CYLC1: variants seen among roughly 807,000 people sequenced by gnomAD.
The protein encoded by CYLC1 is cylicin-1.
In CYLC1, 2 loss-of-function variants were observed where a neutral mutation model predicts 31.6. The observed-to-expected ratio is 0.06, with a 90% confidence interval of 0.03 to 0.20. The LOEUF (loss-of-function observed/expected upper bound fraction) is 0.20. Among genes scored for constraint, CYLC1 ranks in the 10% least tolerant of loss-of-function variants. The pLI is 1.00. For missense variants in CYLC1, 595 were observed against 424.1 expected, an observed-to-expected ratio of 1.40 and a Z score of -3.54; for synonymous variants, 185 against 153.0, an observed-to-expected ratio of 1.21 and a Z score of -1.54.
rs752878939 is a variant in CYLC1 at position 83,874,271 on chromosome X, T to C, written c.1563T>C (p.Asp521=). The change falls in exon 4 of 5, where the codon GAT becomes GAC. Residue 521 remains aspartate, a synonymous_variant. Coordinates refer to ENST00000329312, the MANE Select transcript of CYLC1 (RefSeq NM_021118.3). ...KDARKDTEST[D]AEFDESSKTG... is the part of the protein sequence containing the mutation. The stretch of plus-strand genomic sequence containing the variant: ...CAAGAAAGGACACAGAGTCTACTGA[T>C]GCTGAATTTGATGAATCTTCCAAGA... 12 of 1,209,571 alleles carry C rather than the reference T, an allele frequency of 9.9e-6. No individual in the cohort carries two copies. Among genetic ancestry groups the C allele is most frequent in the Non-Finnish European group, 1.2e-5 (11 of 894,402 alleles).
chrX:83,872,718 T>TACACACAC (rs61531587), intron 3 of CYLC1, among the ~76,000 whole-genome samples, 168 bp from the exon 4 acceptor site: 2,687 of 92,007 alleles, frequency 0.029, 114 homozygotes, highest in African/African-American at 0.1. Flanking sequence ...GTCTCTCTCT[T>TACACACAC]ACACACACAC....
In CYLC1 at chrX:83,871,445, C is replaced by T. The variant is rs758534227; in HGVS notation, c.59-7C>T. On this transcript the variant is annotated splice_polypyrimidine_tract_variant and splice_region_variant and intron_variant, in intron 2 of 4. Coordinates refer to ENST00000329312, the MANE Select transcript of CYLC1 (RefSeq NM_021118.3). ...CTCCAAATTGTTTATTATCCTTTCT[C>T]ATTTAGTCAGTGAATCAAGCAGAAA... 8.5e-7 allele frequency: 1 copy of T among 1,177,566 alleles called. No individual in the cohort carries two copies. The highest frequency in any genetic ancestry group is 3.0e-5 in the East Asian group (1 of 33,314).
At chrX:83,883,431 C>T (rs982098227) in intron 4 of CYLC1, among the ~76,000 whole-genome samples, 10 of 111,331 alleles carry the variant, frequency 9.0e-5, no homozygotes, top group Admixed American at 9.6e-5. Flanking sequence ...GCAAATATTC[C>T]GTGTCAGGCA....
At chrX:83,862,490 C>T (rs2031527646) in intron 1 of CYLC1, among the ~76,000 whole-genome samples, 1 of 110,827 alleles carries the variant, frequency 9.0e-6, no homozygotes, top group South Asian at 3.8e-4. Context: ...TTGCAGTGAG[C>T]AGAGATCGCG....
At chrX:83,872,203 AG>A (rs1188763247) in intron 3 of CYLC1, among the ~76,000 whole-genome samples, 1 of 111,315 alleles carries the variant, frequency 9.0e-6, no homozygotes, top group Non-Finnish European at 1.9e-5. Flanking sequence ...AGGGAAAATA[AG>A]AAGTAATTTT....
At chrX:83,862,727 T>C (rs769656198) in intron 1 of CYLC1, among the ~76,000 whole-genome samples, 7 of 111,608 alleles carry the variant, frequency 6.3e-5, no homozygotes, top group African/African-American at 2.3e-4. Context: ...CATTAGGCAT[T>C]ATCTCTTTGA....
chrX:83,882,198 ACTT>A (rs951497201), intron 4 of CYLC1, among the ~76,000 whole-genome samples: 4 of 110,942 alleles, frequency 3.6e-5, no homozygotes, highest in African/African-American at 1.3e-4. Flanking sequence ...TTATATGACT[ACTT>A]CTCAATTTTA....
intron 2 of CYLC1, among the ~76,000 whole-genome samples, chrX:83,870,960 G>C (rs769282504): frequency 3.4e-4 from 38 of 110,512 alleles, no homozygotes; most frequent in Non-Finnish European, 7.0e-4. Context: ...AGGTCAGAGA[G>C]GTGCTAAAAG....
At chrX:83,879,858 A>G (rs745575605) in intron 4 of CYLC1, among the ~76,000 whole-genome samples, 1 of 111,862 alleles carries the variant, frequency 8.9e-6, no homozygotes, top group East Asian at 2.8e-4. Flanking sequence ...ATAAAGAAAT[A>G]ATACATCTTT....
At chrX:83,871,129 G>A (rs1183073083) in intron 2 of CYLC1, among the ~76,000 whole-genome samples, 1 of 109,807 alleles carries the variant, frequency 9.1e-6, no homozygotes, top group Non-Finnish European at 1.9e-5. Flanking sequence ...ATATTTTCAA[G>A]GAAACAGTAA....
chrX:83,875,756 T>C (rs1402855944), intron 4 of CYLC1, among the ~76,000 whole-genome samples: 1 of 111,313 alleles, frequency 9.0e-6, no homozygotes, highest in East Asian at 2.8e-4. Flanking sequence ...TCTACATGTT[T>C]CCTCCCTTTC....
At chrX:83,861,586 C>G (rs2031509556) in intron 1 of CYLC1, among the ~76,000 whole-genome samples, 2 of 111,487 alleles carry the variant, frequency 1.8e-5, no homozygotes, top group South Asian at 7.4e-4. Context: ...TATGTGTAGG[C>G]AAAATTAGAC....
intron 1 of CYLC1, among the ~76,000 whole-genome samples, chrX:83,862,342 G>T (rs1303690844): frequency 6.7e-4 from 64 of 95,518 alleles, no homozygotes; most frequent in Middle Eastern, 5.6e-3. Flanking sequence ...CCATCCTGGC[G>T]AACACGGTGA....
intron 1 of CYLC1, among the ~76,000 whole-genome samples, chrX:83,867,241 C>G: frequency 8.9e-6 from 1 of 111,802 alleles, no homozygotes; most frequent in Middle Eastern, 4.6e-3. Context: ...TCTCTGAGTT[C>G]TGACCAACAA....
chrX:83,880,495 G>A (rs1206976816), intron 4 of CYLC1, among the ~76,000 whole-genome samples: 1 of 111,509 alleles, frequency 9.0e-6, no homozygotes, highest in Non-Finnish European at 1.9e-5. Flanking sequence ...GTATAATCTA[G>A]TGGCTACTGC....
intron 4 of CYLC1, among the ~76,000 whole-genome samples, chrX:83,877,545 T>A (rs141197134): frequency 0.021 from 2,331 of 110,396 alleles, 50 homozygotes; most frequent in African/African-American, 0.061. Flanking sequence ...TTGTTTCTCA[T>A]AAACACCAAG....
At position 83,871,455 on chromosome X, in the gene CYLC1, G is replaced by A; in HGVS notation, c.62G>A (p.Ser21Asn). The A allele has an allele frequency of 2.5e-6, 3 of 1,193,925 alleles. No homozygotes were observed. Among genetic ancestry groups the A allele is most frequent in the Non-Finnish European group, 3.4e-6 (3 of 882,773 alleles). The change falls in exon 3 of 5, where the codon AGT (serine) becomes AAT (asparagine). Residue 21 changes from serine (S) to asparagine (N), a missense_variant. By Grantham distance (46) the Ser-to-Asn change is conservative. Coordinates refer to ENST00000329312, the MANE Select transcript of CYLC1 (RefSeq NM_021118.3). Reference sequence around the variant, plus strand: ...TTTATTATCCTTTCTCATTTAGTCAGTGAATCAAGCAGAAAATCATGGAAT... The same window carrying A: ...TTTATTATCCTTTCTCATTTAGTCAATGAATCAAGCAGAAAATCATGGAAT... ...IRTYDNSIPI[S>N]ESSRKSWNQK...
intron 4 of CYLC1, among the ~76,000 whole-genome samples, chrX:83,878,547 T>C (rs1388146410): frequency 1.2e-5 from 1 of 83,187 alleles, no homozygotes; most frequent in Non-Finnish European, 2.2e-5. Context: ...TATATGAAAA[T>C]ATATATTTTA....
In CYLC1 at chrX:83,873,888, G is replaced by T; in HGVS notation, c.1180G>T (p.Asp394Tyr). 8.3e-7 allele frequency: 1 copy of T among 1,197,745 alleles called. No homozygotes were observed. Among genetic ancestry groups the T allele is most frequent in the African/African-American group, 1.8e-5 (1 of 57,050 alleles). The change falls in exon 4 of 5, where the codon GAT (aspartate) becomes TAT (tyrosine). Residue 394 changes from aspartate (D) to tyrosine (Y), a missense_variant. Transcript: ENST00000329312. Reference protein sequence around the residue: ...SRNLKKASKNDDKKKDAKKIT... With the variant: ...SRNLKKASKNYDKKKDAKKIT... Reference sequence around the variant, plus strand: ...AAATTTGAAGAAAGCTTCAAAGAATGATGACAAGAAAAAGGATGCAAAGAA... The same window carrying T: ...AAATTTGAAGAAAGCTTCAAAGAATTATGACAAGAAAAAGGATGCAAAGAA...
Sources: gnomAD v4.1 joint callset for allele counts (sites outside exome capture counted in the v4.1 genomes callset) on GRCh38, gnomAD v4.1.1 for gene constraint, MANE v1.5 for transcripts, NCBI Gene and HGNC (gene_info 2026-07-23, HGNC 2026-07-21) for gene names.